HS6ST3: variants seen among roughly 807,000 people sequenced by gnomAD.
The protein encoded by HS6ST3 is heparan sulfate 6-O-sulfotransferase 3.
HS6ST3 carries 12 observed loss-of-function variants against 36.7 expected under a neutral mutation model. The ratio of observed to expected loss-of-function variants is 0.33; its 90% CI spans 0.21 to 0.53. HS6ST3 has a LOEUF of 0.53. HS6ST3 is among the 20% of genes least tolerant of loss of function. HS6ST3 has a pLI of 0.95. For missense variants in HS6ST3, 584 were observed against 640.9 expected (o/e 0.91, Z 0.96); for synonymous variants, 240 against 257.5 (o/e 0.93, Z 0.65).
At chr13:96,190,676 C>T (rs1273241080) in intron 1 of HS6ST3, among the ~76,000 whole-genome samples, 1 of 152,048 alleles carries the variant, frequency 6.6e-6, no homozygotes, top group Non-Finnish European at 1.5e-5. Context: ...AAGCAGGTAC[C>T]AAATAATAAA....
At chr13:96,173,511 G>A (rs898342817) in intron 1 of HS6ST3, among the ~76,000 whole-genome samples, 15 of 151,886 alleles carry the variant, frequency 9.9e-5, no homozygotes, top group Non-Finnish European at 1.5e-4. Context: ...TCTCATTTAC[G>A]TACTTACCAA....
chr13:96,543,550 C>A (rs940170122), intron 1 of HS6ST3, among the ~76,000 whole-genome samples: 2 of 152,186 alleles, frequency 1.3e-5, no homozygotes, highest in African/African-American at 4.8e-5. Flanking sequence ...TTCAGGCCTG[C>A]CTTCTCCCTA....
intron 1 of HS6ST3, among the ~76,000 whole-genome samples, chr13:96,311,921 A>G (rs935463687): frequency 4.6e-5 from 7 of 151,502 alleles, no homozygotes; most frequent in East Asian, 2.0e-4. Context: ...AATCTCTGCT[A>G]GCTTTCTCAT....
intron 1 of HS6ST3, among the ~76,000 whole-genome samples, chr13:96,694,595 AG>A (rs1875069595): frequency 6.6e-6 from 1 of 152,168 alleles, no homozygotes; most frequent in Non-Finnish European, 1.5e-5. Context: ...TTCTGTTTTT[AG>A]GTCTTTGAAG....
intron 1 of HS6ST3, among the ~76,000 whole-genome samples, chr13:96,781,004 C>T (rs769232464): frequency 1.3e-5 from 2 of 151,682 alleles, no homozygotes; most frequent in African/African-American, 2.4e-5. Flanking sequence ...CATTATTACA[C>T]CCAATTTACT....
intron 1 of HS6ST3, among the ~76,000 whole-genome samples, chr13:96,780,297 C>T (rs974404548): frequency 6.6e-6 from 1 of 152,062 alleles, no homozygotes; most frequent in African/African-American, 2.4e-5. Flanking sequence ...TTAGGTTAGT[C>T]GTAGTTTTCG....
At chr13:96,777,403 T>G (rs879065540) in intron 1 of HS6ST3, among the ~76,000 whole-genome samples, 2 of 152,220 alleles carry the variant, frequency 1.3e-5, no homozygotes, top group African/African-American at 4.8e-5. Flanking sequence ...TGTTTGCAGA[T>G]GACTTGATTG....
chr13:96,832,803 G>A lies in HS6ST3; in HGVS notation c.1021G>A (p.Ala341Thr). ...SERNTILLQS[A>T]KNNLKNMAFF... Reference sequence around the variant, plus strand: ...AAGAAACACCATCCTGTTGCAGAGTGCAAAGAACAACCTGAAGAACATGGC... The same window carrying A: ...AAGAAACACCATCCTGTTGCAGAGTACAAAGAACAACCTGAAGAACATGGC... The change falls in exon 2 of 2, where the codon GCA becomes ACA. Residue 341 changes from alanine (A) to threonine (T), a missense_variant. Ala to Thr is a moderately conservative substitution (Grantham distance 58, BLOSUM62 0). This residue lies in a region of HS6ST3 where 360 missense variants were observed against 411.3 expected (regional missense o/e 0.88). Coordinates refer to ENST00000376705, the MANE Select transcript of HS6ST3 (RefSeq NM_153456.4). The A allele has an allele frequency of 6.2e-7, 1 of 1,614,194 alleles. No homozygotes were observed. Among genetic ancestry groups the A allele is most frequent in the Non-Finnish European group, 8.5e-7 (1 of 1,180,028 alleles).
At chr13:96,446,612 C>CT (rs1479903466) in intron 1 of HS6ST3, among the ~76,000 whole-genome samples, 2 of 152,064 alleles carry the variant, frequency 1.3e-5, no homozygotes, top group African/African-American at 4.8e-5. Flanking sequence ...CTGGCGGTTT[C>CT]TTTTTTTACT....
At chr13:96,434,452 G>T (rs1279958801) in intron 1 of HS6ST3, among the ~76,000 whole-genome samples, 2 of 152,156 alleles carry the variant, frequency 1.3e-5, no homozygotes, top group African/African-American at 4.8e-5. Context: ...TAGTTGTCTA[G>T]CCAAATGGCT....
chr13:96,736,193 C>A (rs1459687584), intron 1 of HS6ST3, among the ~76,000 whole-genome samples: 2 of 151,942 alleles, frequency 1.3e-5, no homozygotes, highest in Non-Finnish European at 2.9e-5. Flanking sequence ...ATGTAACATA[C>A]CCACACATCC....
intron 1 of HS6ST3, among the ~76,000 whole-genome samples, chr13:96,243,654 G>C (rs1198463598): frequency 1.3e-5 from 2 of 152,078 alleles, no homozygotes; most frequent in African/African-American, 4.8e-5. Context: ...TGGCTTTTCA[G>C]CTGCTTTCAG....
intron 1 of HS6ST3, among the ~76,000 whole-genome samples, chr13:96,226,113 CTCAAAAACATATT>C (rs898657498): frequency 5.9e-5 from 9 of 152,030 alleles, no homozygotes; most frequent in African/African-American, 2.2e-4. Flanking sequence ...GGTCTGCCCT[CTCAAAAACATATT>C]TGATATACTA....
chr13:96,832,654 C>T lies in HS6ST3; in HGVS notation c.872C>T (p.Ser291Phe). ...ACCTGCTACCCTGGGGATGACTGGT[C>T]TGGGGTCAGCTTGCGGGAGTTTATG... ...LPTCYPGDDW[S>F]GVSLREFMDC... The change falls in exon 2 of 2, where the codon TCT (serine) becomes TTT (phenylalanine). Residue 291 changes from serine to phenylalanine, a missense_variant. Ser to Phe is a radical substitution (Grantham distance 155). Transcript: ENST00000376705. The T allele has an allele frequency of 6.2e-7, 1 of 1,614,086 alleles. No homozygotes were observed.
chr13:96,780,271 A>C (rs1877493689), intron 1 of HS6ST3, among the ~76,000 whole-genome samples: 1 of 152,184 alleles, frequency 6.6e-6, no homozygotes, highest in Non-Finnish European at 1.5e-5. Context: ...GTGTTATGCC[A>C]AGTGTTTGCG....
intron 1 of HS6ST3, among the ~76,000 whole-genome samples, chr13:96,580,128 T>C (rs943738819): frequency 9.3e-5 from 14 of 150,894 alleles, no homozygotes; most frequent in African/African-American, 3.4e-4. Flanking sequence ...AAGAGTCAAT[T>C]TGACTGAGGA....
intron 1 of HS6ST3, among the ~76,000 whole-genome samples, chr13:96,783,161 G>A (rs1377990073): frequency 6.6e-6 from 1 of 152,142 alleles, no homozygotes; most frequent in East Asian, 1.9e-4. Flanking sequence ...CAGAATTATG[G>A]AACTGGCTGA....
At chr13:96,626,838 T>C (rs2056514253) in intron 1 of HS6ST3, among the ~76,000 whole-genome samples, 1 of 152,124 alleles carries the variant, frequency 6.6e-6, no homozygotes, top group Non-Finnish European at 1.5e-5. Flanking sequence ...ATAGTATTTT[T>C]TTTAAAAAAA....
intron 1 of HS6ST3, among the ~76,000 whole-genome samples, chr13:96,524,364 T>C (rs1326495009): frequency 6.6e-6 from 1 of 152,210 alleles, no homozygotes; most frequent in Non-Finnish European, 1.5e-5. Context: ...GCTCGAACGC[T>C]GCACCAGGAG....
Sources: allele counts gnomAD v4.1 joint callset (sites outside exome capture counted in the v4.1 genomes callset), GRCh38; gene constraint gnomAD v4.1.1; regional missense constraint gnomAD v4.1.1; transcripts MANE v1.5; gene names NCBI Gene and HGNC (gene_info 2026-07-23, HGNC 2026-07-21).